The following TSPAN2 variants were observed in gnomAD, a reference collection of about 807,000 sequenced individuals.
TSPAN2 encodes the protein tetraspanin 2.
Under a neutral mutation model 33.3 loss-of-function variants are expected in TSPAN2, and 24 were observed. The observed-to-expected ratio is 0.72, with a 90% CI of 0.52 to 1.01. TSPAN2 has a LOEUF of 1.01. Ranked by LOEUF, TSPAN2 falls within the 50% of genes least tolerant of loss-of-function variation. The pLI is 0.00. For missense variants in TSPAN2, 278 were observed against 281.3 expected (o/e 0.99, Z 0.08); for synonymous variants, 114 against 104.5 (o/e 1.09, Z -0.56).
At chr1:115,072,831 T>G in intron 2 of TSPAN2, 74 bp downstream of exon 2, 2 of 1,305,246 alleles carry the variant, frequency 1.5e-6, no homozygotes, top group Non-Finnish European at 2.2e-6. Flanking sequence ...AAAGTTCAAG[T>G]GCAGCTTCTG....
chr1:115,056,547 G>T (rs929535339), intron 6 of TSPAN2, among the ~76,000 whole-genome samples: 1 of 152,018 alleles, frequency 6.6e-6, no homozygotes, highest in Non-Finnish European at 1.5e-5. Flanking sequence ...TCCCCCTCCC[G>T]CTTTCTGCCC....
Position 115,072,895 on chromosome 1 carries a change from A to G in TSPAN2, c.172+10T>C, listed in dbSNP as rs1483010372. The G allele has an allele frequency of 6.2e-7, 1 of 1,603,620 alleles. No homozygotes were observed. The highest frequency in any genetic ancestry group is 1.3e-5 in the African/African-American group (1 of 74,804). On this transcript the variant is annotated intron_variant, in intron 2 of 7. Coordinates refer to ENST00000369516, the MANE Select transcript of TSPAN2 (RefSeq NM_005725.6). ...TCTGAGCTGGAGCTTAGGAAGCTGG[A>G]GTCACTCACCCACATAGAAATACTC...
Position 115,062,249 on chromosome 1 carries a change from AGAG to A in TSPAN2, c.173-20_173-18del, listed in dbSNP as rs753567892. ...CATACAGCCCTGTGGGGAAGAGGTC[AGAG>A]GAGACCACTGAGAGCCAACCGAGTG... On this transcript the variant is annotated intron_variant, in intron 2 of 7. Transcript: ENST00000369516. The A allele has an allele frequency of 1.9e-6, 3 of 1,567,198 alleles. No homozygotes were observed. Among genetic ancestry groups the A allele is most frequent in the Non-Finnish European group, 2.6e-6 (3 of 1,154,974 alleles).
chr1:115,057,158 T>C (rs751723179), intron 6 of TSPAN2, among the ~76,000 whole-genome samples: 3 of 152,222 alleles, frequency 2.0e-5, no homozygotes, highest in Non-Finnish European at 4.4e-5. Context: ...AAAATCACCA[T>C]GTTAAACACA....
At chr1:115,087,138 C>T (rs1037792414) in intron 1 of TSPAN2, among the ~76,000 whole-genome samples, 2 of 151,852 alleles carry the variant, frequency 1.3e-5, no homozygotes, top group Admixed American at 1.3e-4. Flanking sequence ...AGGCTGGTCT[C>T]GAACTCCTGA....
intron 3 of TSPAN2, 52 bp from the exon 4 acceptor site, chr1:115,060,590 A>T: frequency 6.8e-7 from 1 of 1,461,810 alleles, no homozygotes. Context: ...TTTTCAATTT[A>T]TATATTTTGC....
rs527889177 is a variant in TSPAN2 at position 115,087,534 on chromosome 1, T to C, written c.69+1830A>G. On this transcript the variant is annotated intron_variant, in intron 1 of 7. Coordinates refer to ENST00000369516, the MANE Select transcript of TSPAN2 (RefSeq NM_005725.6). ...GGGCGGCTGAGGCAGGAGAATGGCG[T>C]GCATCTGGGAGGTGGAGCTTGCAGT... Among the ~76,000 whole-genome samples, 15 of 146,088 alleles carry C rather than the reference T, an allele frequency of 1.0e-4. No individual in the cohort carries two copies. In the South Asian group the frequency reaches 2.8e-3, roughly 28 times the overall value.
At chr1:115,083,617 T>C (rs1487044438) in intron 1 of TSPAN2, among the ~76,000 whole-genome samples, 3 of 152,152 alleles carry the variant, frequency 2.0e-5, no homozygotes, top group African/African-American at 7.2e-5. Flanking sequence ...GCAGACCCAC[T>C]GAATCCGAAT....
intron 2 of TSPAN2, among the ~76,000 whole-genome samples, chr1:115,062,872 C>T (rs978935348): frequency 1.8e-4 from 28 of 152,292 alleles, no homozygotes; most frequent in Middle Eastern, 3.4e-3. Flanking sequence ...TGGTGGTTTG[C>T]GGGCAGATCT....
In TSPAN2 at chr1:115,089,442, C is replaced by T. The variant is rs1277898193; in HGVS notation, c.-10G>A. 1.9e-6 allele frequency: 3 copies of T among 1,550,186 alleles called. No individual in the cohort carries two copies. Among genetic ancestry groups the T allele is most frequent in the East Asian group, 2.5e-5 (1 of 39,790 alleles). On this transcript the variant is annotated 5_prime_UTR_variant, in exon 1 of 8. Transcript: ENST00000369516. ...CGCGGAAGCGCCCCATGCTGCGGCC[C>T]GGCGGCGGGATCCCCAGTCCCCAGG...
At chr1:115,071,876 G>T (rs1208262505) in intron 2 of TSPAN2, among the ~76,000 whole-genome samples, 3 of 152,042 alleles carry the variant, frequency 2.0e-5, no homozygotes, top group Non-Finnish European at 2.9e-5. Flanking sequence ...GGATGTCCCT[G>T]CTCTGAGTGG....
intron 1 of TSPAN2, among the ~76,000 whole-genome samples, chr1:115,080,503 G>A (rs75532599): frequency 0.032 from 4,944 of 152,126 alleles, 122 homozygotes; most frequent in Non-Finnish European, 0.045. Flanking sequence ...TTGAACTCCC[G>A]GGCACAAGTG....
intron 5 of TSPAN2, among the ~76,000 whole-genome samples, chr1:115,057,934 C>T (rs943274613): frequency 6.6e-6 from 1 of 152,198 alleles, no homozygotes; most frequent in Admixed American, 6.5e-5. Context: ...TTCTTTCAGA[C>T]TGGGAGTCAT....
chr1:115,066,317 T>A (rs1240961370), intron 2 of TSPAN2, among the ~76,000 whole-genome samples: 1 of 152,224 alleles, frequency 6.6e-6, no homozygotes, highest in Non-Finnish European at 1.5e-5. Context: ...GGAACTGCCA[T>A]ACTGTTCTCC....
chr1:115,069,306 G>A (rs1648072381), intron 2 of TSPAN2, among the ~76,000 whole-genome samples: 1 of 152,184 alleles, frequency 6.6e-6, no homozygotes, highest in South Asian at 2.1e-4. Context: ...TGTGGTTTGA[G>A]AGGGCTGACT....
intron 1 of TSPAN2, among the ~76,000 whole-genome samples, chr1:115,088,203 T>A (rs775642383): frequency 6.6e-6 from 1 of 152,182 alleles, no homozygotes; most frequent in East Asian, 1.9e-4. Flanking sequence ...GTTGCTGAAG[T>A]CACCCAGGCA....
Sources: gnomAD v4.1 joint callset for allele counts (sites outside exome capture counted in the v4.1 genomes callset) on GRCh38, gnomAD v4.1.1 for gene constraint, MANE v1.5 for transcripts, NCBI Gene and HGNC (gene_info 2026-07-23, HGNC 2026-07-21) for gene names.